The following RGS7BP variants were observed in gnomAD, a reference collection of about 807,000 sequenced individuals.
The protein encoded by RGS7BP is regulator of G protein signaling 7-binding protein.
A neutral mutation model predicts 31.3 loss-of-function variants in RGS7BP; 9 were observed. The observed-to-expected ratio is 0.29, with a 90% CI of 0.17 to 0.50. The LOEUF (loss-of-function observed/expected upper bound fraction) is 0.50. Ranked by LOEUF, RGS7BP falls within the 20% of genes least tolerant of loss-of-function variation. RGS7BP has a pLI of 0.98. For missense variants in RGS7BP, 274 were observed against 322.0 expected (o/e 0.85, Z 1.14); for synonymous variants, 115 against 120.1 (o/e 0.96, Z 0.28).
chr5:64,599,073 A>T (rs543426547), intron 5 of RGS7BP, among the ~76,000 whole-genome samples: 3 of 152,340 alleles, frequency 2.0e-5, no homozygotes, highest in African/African-American at 4.8e-5. Flanking sequence ...AGAATGAGGG[A>T]AAGTCCTCTG....
chr5:64,567,036 C>A (rs1252286450), intron 2 of RGS7BP, among the ~76,000 whole-genome samples: 1 of 151,796 alleles, frequency 6.6e-6, no homozygotes, highest in African/African-American at 2.4e-5. Flanking sequence ...CTCAAACGGA[C>A]CTTTTGCTCA....
chr5:64,516,590 A>G (rs1748981487), intron 2 of RGS7BP, among the ~76,000 whole-genome samples: 2 of 152,236 alleles, frequency 1.3e-5, no homozygotes, highest in African/African-American at 4.8e-5. Context: ...TATTGCCTAA[A>G]GCAGTGTTTC....
At chr5:64,603,032 T>C (rs1743260684) in intron 5 of RGS7BP, among the ~76,000 whole-genome samples, 6 of 152,292 alleles carry the variant, frequency 3.9e-5, no homozygotes, top group Admixed American at 3.3e-4. Context: ...GGAAAGTCTC[T>C]AGACAAAAGG....
chr5:64,528,394 G>C (rs1440011689), intron 2 of RGS7BP, among the ~76,000 whole-genome samples: 1 of 152,112 alleles, frequency 6.6e-6, no homozygotes, highest in African/African-American at 2.4e-5. Context: ...AAAAAGATTA[G>C]GTCACATTTA....
At chr5:64,602,923 G>GA (rs1445117763) in intron 5 of RGS7BP, among the ~76,000 whole-genome samples, 3 of 152,110 alleles carry the variant, frequency 2.0e-5, no homozygotes, top group African/African-American at 7.2e-5. Flanking sequence ...CAAAGAAATA[G>GA]AAAAAAGATA....
intron 2 of RGS7BP, among the ~76,000 whole-genome samples, chr5:64,573,008 C>T (rs1366318134): frequency 7.5e-6 from 1 of 133,604 alleles, no homozygotes; most frequent in Non-Finnish European, 1.6e-5. Flanking sequence ...GTGATGTTCC[C>T]CTTCTTGTGT....
intron 2 of RGS7BP, chr5:64,539,689 AG>A (rs950034042): frequency 2.0e-5 from 3 of 152,214 alleles, no homozygotes; most frequent in African/African-American, 7.2e-5. Context: ...GAAACAGCCT[AG>A]GTTGTAAATG....
At chr5:64,541,006 G>T (rs1741514935) in intron 2 of RGS7BP, among the ~76,000 whole-genome samples, 1 of 152,074 alleles carries the variant, frequency 6.6e-6, no homozygotes, top group African/African-American at 2.4e-5. Context: ...TGGGTGTGTT[G>T]GTCCATTCTT....
chr5:64,511,425 C>T (rs1748828982), intron 2 of RGS7BP, among the ~76,000 whole-genome samples: 1 of 152,194 alleles, frequency 6.6e-6, no homozygotes, highest in African/African-American at 2.4e-5. Flanking sequence ...GACATTAAAG[C>T]TAAGAGGGGC....
At chr5:64,549,262 G>C (rs904753116) in intron 2 of RGS7BP, among the ~76,000 whole-genome samples, 1 of 152,222 alleles carries the variant, frequency 6.6e-6, no homozygotes, top group African/African-American at 2.4e-5. Flanking sequence ...TTGCAAAAGG[G>C]AGAGATAGAT....
At chr5:64,518,525 G>A (rs942647067) in intron 2 of RGS7BP, among the ~76,000 whole-genome samples, 2 of 152,168 alleles carry the variant, frequency 1.3e-5, no homozygotes, top group African/African-American at 2.4e-5. Context: ...AGGCACCTCT[G>A]AGAAGGTAAC....
At chr5:64,576,031 G>C in intron 3 of RGS7BP, 127 bp downstream of exon 3, 1 of 791,536 alleles carries the variant, frequency 1.3e-6, no homozygotes, top group Non-Finnish European at 1.9e-6. Flanking sequence ...TAAATGTTCA[G>C]GAAATGCTTG....
At chr5:64,508,417 G>A (rs1301251197) in intron 2 of RGS7BP, among the ~76,000 whole-genome samples, 1 of 152,144 alleles carries the variant, frequency 6.6e-6, no homozygotes, top group African/African-American at 2.4e-5. Flanking sequence ...CATAAGAACA[G>A]TTTTTAAAGA....
At chr5:64,526,269 T>C (rs1456406237) in intron 2 of RGS7BP, among the ~76,000 whole-genome samples, 1 of 152,206 alleles carries the variant, frequency 6.6e-6, no homozygotes, top group Non-Finnish European at 1.5e-5. Flanking sequence ...GTAAGTTTGC[T>C]TCAATTCTAT....
chr5:64,545,864 A>G (rs540707662), intron 2 of RGS7BP, among the ~76,000 whole-genome samples: 1 of 152,312 alleles, frequency 6.6e-6, no homozygotes, highest in African/African-American at 2.4e-5. Context: ...AATGCCTAAT[A>G]GGCTGCTAGA....
chr5:64,604,058 G>T (rs866253966), intron 5 of RGS7BP, among the ~76,000 whole-genome samples: 6 of 152,188 alleles, frequency 3.9e-5, no homozygotes, highest in Non-Finnish European at 8.8e-5. Context: ...TACAGGCATC[G>T]TTAGGGAATT....
intron 2 of RGS7BP, among the ~76,000 whole-genome samples, chr5:64,551,262 A>ATTTTTTTTTTT (rs1561331804): frequency 1.4e-5 from 2 of 147,820 alleles, no homozygotes; most frequent in African/African-American, 5.0e-5. Context: ...TTTATTTTTT[A>ATTTTTTTTTTT]TTTTATTTTT....
At chr5:64,553,796 T>C (rs1305572437) in intron 2 of RGS7BP, among the ~76,000 whole-genome samples, 2 of 152,088 alleles carry the variant, frequency 1.3e-5, no homozygotes, top group African/African-American at 4.8e-5. Context: ...ACAAACAAGA[T>C]AGTTAAGTTG....
chr5:64,592,497 A>C (rs1395944586), intron 3 of RGS7BP, among the ~76,000 whole-genome samples: 12 of 152,246 alleles, frequency 7.9e-5, no homozygotes, highest in Non-Finnish European at 1.6e-4. Flanking sequence ...ATTAAGTATA[A>C]TCAAAAGTGT....
Sources: gnomAD v4.1 joint callset for allele counts (sites outside exome capture counted in the v4.1 genomes callset) on GRCh38, gnomAD v4.1.1 for gene constraint, MANE v1.5 for transcripts, NCBI Gene and HGNC (gene_info 2026-07-23, HGNC 2026-07-21) for gene names.